The following CDC42BPG variants were observed in gnomAD, a reference collection of about 807,000 sequenced individuals.
CDC42BPG encodes CDC42 binding protein kinase gamma.
Under a neutral mutation model 192.2 loss-of-function variants are expected in CDC42BPG, and 157 were observed. That is an observed-to-expected ratio of 0.82 (90% CI 0.72 to 0.93). CDC42BPG has a LOEUF of 0.93. Among genes scored for constraint, CDC42BPG ranks in the 40% least tolerant of loss-of-function variants. The probability of loss-of-function intolerance (pLI) is 0.00; values close to 1 mark genes in which losing one functional copy is unlikely to be tolerated. For missense variants in CDC42BPG, 1,992 were observed against 2,122.1 expected (o/e 0.94, Z 1.20); for synonymous variants, 981 against 918.5 (o/e 1.07, Z -1.23).
intron 28 of CDC42BPG, among the ~76,000 whole-genome samples, chr11:64,831,016 G>A (rs993798786): frequency 9.2e-5 from 14 of 152,122 alleles, no homozygotes; most frequent in Non-Finnish European, 2.1e-4. Context: ...TCAGGAGTTC[G>A]AGACCAGCCT....
At chr11:64,843,089 G>A (rs1317233565) in intron 1 of CDC42BPG, among the ~76,000 whole-genome samples, 7 of 152,238 alleles carry the variant, frequency 4.6e-5, no homozygotes, top group East Asian at 1.9e-4. Context: ...CGAAGCCCAG[G>A]CCCACAGGCA....
In CDC42BPG at chr11:64,834,856, C is replaced by A. The variant is rs148101117; in HGVS notation, c.2168G>T (p.Arg723Leu). ...GGCATCTCTGGGGCTCACCAGTGGC[C>A]GGGCAGGGAGCGTCTGGGTGCCTAC... is the stretch of plus-strand genomic sequence containing the variant. ...RNVGTQTLPA[R>L]PLDHQWKARR... Residue 723 changes from arginine to leucine, a missense_variant, in exon 18 of 37, where the codon CGG becomes CTG. This residue lies in a region of CDC42BPG where 1,656 missense variants were observed against 1,844.3 expected (regional missense o/e 0.90). Transcript: ENST00000342711. The A allele has an allele frequency of 2.1e-5, 34 of 1,612,788 alleles. No individual in the cohort carries two copies. In the South Asian group the frequency reaches 3.1e-4, roughly 15 times the overall value.
chr11:64,833,453 T>C (rs1319336790), intron 23 of CDC42BPG, 117 bp from the exon 24 acceptor site: 4 of 970,178 alleles, frequency 4.1e-6, no homozygotes, highest in Non-Finnish European at 6.1e-6. Context: ...TCCCAGCCAA[T>C]CTATGGCGGC....
rs1943414182 is a variant in CDC42BPG at position 64,844,416 on chromosome 11, T to G, written c.154A>C (p.Ser52Arg). ...GTGCCGCCCCGCCACTCACCCCAGC[T>G]CAGGAACTGCGCCACGCTGCGCTCC... is the stretch of plus-strand genomic sequence containing the variant. ...RRERSVAQFL[S>R]WASPFVSKVK... The change falls in exon 1 of 37, where the codon AGC becomes CGC. Residue 52 changes from serine (S) to arginine (R), a missense_variant. By Grantham distance (110) the Ser-to-Arg change is moderately radical (BLOSUM62 -1). Around this residue, in one of 2 missense-constraint regions of CDC42BPG, gnomAD observed 1,656 missense variants for 1,844.3 expected, o/e 0.90. Coordinates refer to ENST00000342711, the MANE Select transcript of CDC42BPG (RefSeq NM_017525.3). 6.8e-7 allele frequency: 1 copy of G among 1,464,620 alleles called. No individual in the cohort carries two copies. Among genetic ancestry groups the G allele is most frequent in the East Asian group, 2.9e-5 (1 of 34,578 alleles). 90.7% of individuals were successfully genotyped at this position (1,464,620 alleles called of 1,614,324 possible).
At chr11:64,842,049 G>T in intron 1 of CDC42BPG, 145 bp from the exon 2 acceptor site, 1 of 660,762 alleles carries the variant, frequency 1.5e-6, no homozygotes, top group Non-Finnish European at 2.7e-6. Flanking sequence ...AGGGGTTGTG[G>T]CAGGAACTGG....
rs1943243721 is a variant in CDC42BPG at position 64,840,721 on chromosome 11, G to A, written c.337-73C>T. On this transcript the variant is annotated intron_variant, in intron 3 of 36. Coordinates refer to ENST00000342711, the MANE Select transcript of CDC42BPG (RefSeq NM_017525.3). ...GGATGCCCCCCTTGCCAGCTCAGGG[G>A]ATGGAGAAAGATTCTGTGAGTCTGG... is the stretch of plus-strand genomic sequence containing the variant. 4.6e-6 allele frequency: 6 copies of A among 1,298,116 alleles called. No homozygotes were observed. In the East Asian group the frequency reaches 9.3e-5, roughly 20 times the overall value. 80.4% of individuals were successfully genotyped at this position (1,298,116 alleles called of 1,614,324 possible).
At position 64,827,135 on chromosome 11, in the gene CDC42BPG, T is replaced by C. The variant is rs1337567450; in HGVS notation, c.4304A>G (p.Lys1435Arg). The C allele has an allele frequency of 6.2e-7, 1 of 1,614,074 alleles. No homozygotes were observed. The change falls in exon 34 of 37, where the codon AAG (lysine) becomes AGG (arginine). Residue 1435 changes from lysine (K) to arginine (R), a missense_variant. By Grantham distance (26) the Lys-to-Arg change is conservative. Around this residue, in one of 2 missense-constraint regions of CDC42BPG, gnomAD observed 336 missense variants for 277.9 expected, o/e 1.21. Coordinates refer to ENST00000342711, the MANE Select transcript of CDC42BPG (RefSeq NM_017525.3). ...EMLKDPFVRS[K>R]LISPPTNFNH... ...GAAGTTGGTAGGCGGCGAGATGAGC[T>C]TGGAGCGCACAAAAGGGTCCTTCAG...
At chr11:64,832,103 A>C (rs939104955) in intron 27 of CDC42BPG, among the ~76,000 whole-genome samples, 3 of 152,242 alleles carry the variant, frequency 2.0e-5, no homozygotes, top group Non-Finnish European at 2.9e-5. Context: ...AATGTGGTGC[A>C]CACAGGCACA....
chr11:64,839,476 A>G lies in CDC42BPG; in HGVS notation c.675+2T>C. 6.2e-7 allele frequency: 1 copy of G among 1,612,902 alleles called. No homozygotes were observed. Among genetic ancestry groups the G allele is most frequent in the Non-Finnish European group, 8.5e-7 (1 of 1,179,830 alleles). On this transcript the variant is annotated splice_donor_variant, in intron 6 of 36. Coordinates refer to ENST00000342711, the MANE Select transcript of CDC42BPG (RefSeq NM_017525.3). LOFTEE classifies it high-confidence loss of function. ...GCTCCCACTCTGGGGCGGGGTCCTT[A>G]CCATGCCGTTGGTGTTGAGACGCAG...
chr11:64,840,312 C>T, intron 4 of CDC42BPG, 44 bp from the exon 5 acceptor site: 1 of 1,597,042 alleles, frequency 6.3e-7, no homozygotes, highest in Non-Finnish European at 8.5e-7. Context: ...AAGGGTGCAC[C>T]TGGCCACTTC....
chr11:64,834,108 C>A, intron 20 of CDC42BPG, 131 bp from the exon 21 acceptor site: 1 of 1,441,570 alleles, frequency 6.9e-7, no homozygotes, highest in Non-Finnish European at 9.7e-7. Context: ...GCACAGCAGG[C>A]ACTCCAGAAG....
chr11:64,829,652 G>T lies in CDC42BPG; in HGVS notation c.3786C>A (p.Ala1262=), dbSNP rs756974252. The change falls in exon 30 of 37, where the codon GCC becomes GCA. Residue 1262 remains alanine, a synonymous_variant. Coordinates refer to ENST00000342711, the MANE Select transcript of CDC42BPG (RefSeq NM_017525.3). ...GTGGCAGCTCCTCAGGCACCAAACCGGCCCCCAGCGCCAACGGCGCAGCCT... is the reference window on the plus strand; with the variant it reads ...GTGGCAGCTCCTCAGGCACCAAACCTGCCCCCAGCGCCAACGGCGCAGCCT... The part of the protein sequence containing the change: ...LNEAAPLALG[A]GLVPEELPPS... The T allele has an allele frequency of 2.5e-6, 4 of 1,611,362 alleles. No homozygotes were observed. The South Asian group carries it at 4.4e-5, about 18-fold the overall frequency.
chr11:64,841,024 G>A (rs1337015308), intron 3 of CDC42BPG, among the ~76,000 whole-genome samples: 2 of 152,008 alleles, frequency 1.3e-5, no homozygotes, highest in Non-Finnish European at 2.9e-5. Flanking sequence ...CGTGGCACAC[G>A]CCTGTAATCC....
chr11:64,839,586 G>A lies in CDC42BPG; in HGVS notation c.582-15C>T, dbSNP rs1943186453. Reference sequence around the variant, plus strand: ...GCTTGACATCCCTGGGGGATGGCAGGCAGGGAGAGTGAGGCGTTTGACCTG... The same window carrying A: ...GCTTGACATCCCTGGGGGATGGCAGACAGGGAGAGTGAGGCGTTTGACCTG... On this transcript the variant is annotated splice_polypyrimidine_tract_variant and intron_variant, in intron 5 of 36. Coordinates refer to ENST00000342711, the MANE Select transcript of CDC42BPG (RefSeq NM_017525.3). 6.2e-7 allele frequency: 1 copy of A among 1,606,846 alleles called. No homozygotes were observed. Among genetic ancestry groups the A allele is most frequent in the Non-Finnish European group, 8.5e-7 (1 of 1,177,080 alleles).
At chr11:64,828,702 T>C (rs12365873) in intron 30 of CDC42BPG, among the ~76,000 whole-genome samples, 31,846 of 151,734 alleles carry the variant, frequency 0.21, 4,181 homozygotes, top group East Asian at 0.52. Flanking sequence ...TTGCTTGAGT[T>C]CAGGAGTTTG....
Position 64,831,665 on chromosome 11 carries a change from T to C in CDC42BPG, c.3144A>G (p.Ala1048=). The change falls in exon 28 of 37, where the codon GCA becomes GCG. Residue 1048 remains alanine, a synonymous_variant. Transcript: ENST00000342711. ...PPTTCTVLLL[A]ESEGERERWL... ...AGCGTTCCCGCTCCCCCTCGCTCTC[T>C]GCCAGCAGCAGCACAGTGCACGTGG... 6.2e-7 allele frequency: 1 copy of C among 1,609,788 alleles called. No individual in the cohort carries two copies. Among genetic ancestry groups the C allele is most frequent in the Admixed American group, 1.7e-5 (1 of 59,922 alleles).
At chr11:64,836,360 G>C (rs1942987077) in intron 12 of CDC42BPG, 64 bp from the exon 13 acceptor site, 1 of 1,605,390 alleles carries the variant, frequency 6.2e-7, no homozygotes, top group Non-Finnish European at 8.5e-7. Context: ...ACCGTCCATG[G>C]AGCCCAGGGC....
chr11:64,841,756 G>GGTGAGCCCAGCCCGGT (rs1565701516), intron 2 of CDC42BPG, 23 bp from the exon 3 acceptor site: 2 of 1,613,674 alleles, frequency 1.2e-6, no homozygotes, highest in Non-Finnish European at 1.7e-6. Context: ...GGAGGACCGG[G>GGTGAGCCCAGCCCGGT]GTGAGCCCAG....
rs78137874 is a variant in CDC42BPG at position 64,823,743 on chromosome 11, C to A, written c.*730G>T. On this transcript the variant is annotated 3_prime_UTR_variant, in exon 37 of 37. Coordinates refer to ENST00000342711, the MANE Select transcript of CDC42BPG (RefSeq NM_017525.3). The stretch of plus-strand genomic sequence containing the variant: ...TTCTCTTCCCCGATGGGAGGATTGG[C>A]TGACAGTGTCAGCCCCGCCCACTGC... 0.02 allele frequency: 2,982 copies of A among 152,600 alleles called. 37 individuals carry two copies. The highest frequency in any genetic ancestry group is 0.028 in the Non-Finnish European group (1,909 of 68,286). The allele number at this position is 152,600 out of a possible 1,614,324, so 9.5% of individuals were successfully genotyped here. A position where few individuals can be genotyped will look rare whatever the true frequency, so the allele number is the denominator to read the frequency against.
Sources: gnomAD v4.1 joint callset for allele counts (sites outside exome capture counted in the v4.1 genomes callset) on GRCh38, gnomAD v4.1.1 for gene constraint, gnomAD v4.1.1 regional missense constraint, MANE v1.5 for transcripts, NCBI Gene and HGNC (gene_info 2026-07-23, HGNC 2026-07-21) for gene names.